Variants in ROBO1 observed in about 807,000 individuals in gnomAD.
ROBO1 encodes the protein roundabout homolog 1.
Under a neutral mutation model 195.9 loss-of-function variants are expected in ROBO1, and 149 were observed. The observed-to-expected ratio is 0.76, with a 90% confidence interval of 0.67 to 0.87. The LOEUF is 0.87. ROBO1 is among the 40% of genes least tolerant of loss of function. The pLI is 0.00. For synonymous variants in ROBO1, 816 were observed against 733.2 expected, an observed-to-expected ratio of 1.11 and a Z score of -1.82; for missense variants, 1,933 against 2,068.3, an observed-to-expected ratio of 0.93 and a Z score of 1.27.
At chr3:79,602,328 G>T (rs1480582999) in intron 1 of ROBO1, among the ~76,000 whole-genome samples, 1 of 151,950 alleles carries the variant, frequency 6.6e-6, no homozygotes, top group African/African-American at 2.4e-5. Flanking sequence ...ATACACAAAA[G>T]GCTGTGCATG....
At chr3:78,709,144 T>C (rs2081621269) in intron 8 of ROBO1, among the ~76,000 whole-genome samples, 1 of 152,150 alleles carries the variant, frequency 6.6e-6, no homozygotes, top group East Asian at 1.9e-4. Context: ...GTTTACAAAA[T>C]GATGTAATGT....
At chr3:79,334,548 G>A (rs1343404170) in intron 2 of ROBO1, among the ~76,000 whole-genome samples, 1 of 151,734 alleles carries the variant, frequency 6.6e-6, no homozygotes, top group African/African-American at 2.4e-5. Context: ...TGTGTTCAGA[G>A]AAGAAATAAA....
intron 2 of ROBO1, among the ~76,000 whole-genome samples, chr3:79,525,223 G>T (rs1941377416): frequency 6.6e-6 from 1 of 150,432 alleles, no homozygotes; most frequent in Non-Finnish European, 1.5e-5. Context: ...ATAAGGTTAT[G>T]GTTAATTTTT....
At chr3:79,075,674 T>C (rs771827544) in intron 3 of ROBO1, among the ~76,000 whole-genome samples, 2 of 151,898 alleles carry the variant, frequency 1.3e-5, no homozygotes, top group Non-Finnish European at 2.9e-5. Context: ...TAGATCAACC[T>C]GGAACACAAT....
At position 78,667,920 on chromosome 3, in the gene ROBO1, A is replaced by G; in HGVS notation, c.1929T>C (p.Ser643=). The change falls in exon 14 of 31, where the codon AGT becomes AGC. Residue 643 remains serine, a synonymous_variant. Transcript: ENST00000464233. ...CTGGATCTGATATTTGGCTTGGATC[A>G]CTAATTCCATATGCATTAGCTGCCC... ...LVRAANAYGI[S]DPSQISDPVK... is the part of the protein sequence containing the mutation. 6.2e-7 allele frequency: 1 copy of G among 1,613,768 alleles called. No homozygotes were observed. The highest frequency in any genetic ancestry group is 8.5e-7 in the Non-Finnish European group (1 of 1,179,758).
At chr3:79,282,348 AT>A (rs1206582786) in intron 2 of ROBO1, among the ~76,000 whole-genome samples, 4 of 152,186 alleles carry the variant, frequency 2.6e-5, no homozygotes, top group Non-Finnish European at 5.9e-5. Context: ...TTCAACTAAC[AT>A]TTTTTGAGCA....
chr3:78,950,359 T>C (rs1052597849), intron 3 of ROBO1, among the ~76,000 whole-genome samples: 6 of 151,556 alleles, frequency 4.0e-5, no homozygotes, highest in Non-Finnish European at 5.9e-5. Flanking sequence ...ATGTCCTTTG[T>C]AGGGACATGG....
At chr3:79,262,984 TA>T (rs766122497) in intron 2 of ROBO1, among the ~76,000 whole-genome samples, 3 of 152,082 alleles carry the variant, frequency 2.0e-5, no homozygotes, top group Admixed American at 6.6e-5. Flanking sequence ...TAGAAAAGAT[TA>T]GAGAGTTTTA....
intron 2 of ROBO1, among the ~76,000 whole-genome samples, chr3:79,326,204 G>A (rs759246107): frequency 2.0e-5 from 3 of 152,166 alleles, no homozygotes; most frequent in Middle Eastern, 3.4e-3. Context: ...ATTTCTCCCC[G>A]GTCCTGTGGT....
chr3:79,601,579 C>T (rs1944340497), intron 1 of ROBO1, among the ~76,000 whole-genome samples: 1 of 151,900 alleles, frequency 6.6e-6, no homozygotes, highest in African/African-American at 2.4e-5. Context: ...AGTACGAACA[C>T]AGACATGTAT....
At chr3:78,987,611 AG>A in intron 3 of ROBO1, among the ~76,000 whole-genome samples, 1 of 152,116 alleles carries the variant, frequency 6.6e-6, no homozygotes, top group African/African-American at 2.4e-5. Context: ...TTGAGGTAAA[AG>A]CCATGAGGTG....
chr3:79,127,007 G>GA (rs1269968139), intron 2 of ROBO1, among the ~76,000 whole-genome samples: 3,458 of 104,728 alleles, frequency 0.033, 45 homozygotes, highest in Middle Eastern at 0.04. Context: ...TGGCTAAAAC[G>GA]AAAAAAAAAA....
intron 2 of ROBO1, among the ~76,000 whole-genome samples, chr3:79,169,063 G>C (rs2081121785): frequency 6.6e-6 from 1 of 152,114 alleles, no homozygotes; most frequent in Non-Finnish European, 1.5e-5. Flanking sequence ...AAGATGGGAA[G>C]AATAATGGAA....
chr3:79,336,499 C>T (rs569903090), intron 2 of ROBO1, among the ~76,000 whole-genome samples: 1 of 152,176 alleles, frequency 6.6e-6, no homozygotes, highest in South Asian at 2.1e-4. Flanking sequence ...CCTGTGAGTA[C>T]ACAGGAGTGA....
chr3:78,613,218 G>A (rs1703920969), intron 28 of ROBO1, among the ~76,000 whole-genome samples: 1 of 152,164 alleles, frequency 6.6e-6, no homozygotes, highest in Non-Finnish European at 1.5e-5. Context: ...TCTACACAAG[G>A]CTTTAGGCCA....
intron 1 of ROBO1, among the ~76,000 whole-genome samples, chr3:79,660,927 A>G (rs1452899816): frequency 6.6e-6 from 1 of 152,114 alleles, no homozygotes; most frequent in East Asian, 1.9e-4. Flanking sequence ...GGAAGAAAAT[A>G]ATTATCAAGT....
At chr3:79,436,569 T>C (rs1175481482) in intron 2 of ROBO1, among the ~76,000 whole-genome samples, 2 of 152,134 alleles carry the variant, frequency 1.3e-5, no homozygotes, top group African/African-American at 4.8e-5. Context: ...TAGGTTGTCA[T>C]GTAAACTAAG....
intron 4 of ROBO1, among the ~76,000 whole-genome samples, chr3:78,817,347 C>CT (rs972016830): frequency 4.6e-5 from 7 of 151,824 alleles, no homozygotes; most frequent in South Asian, 4.2e-4. Flanking sequence ...AAGGTATATA[C>CT]TTTTTTTTAA....
intron 1 of ROBO1, among the ~76,000 whole-genome samples, chr3:79,723,614 C>T (rs1234567398): frequency 1.3e-5 from 2 of 152,022 alleles, no homozygotes; most frequent in Admixed American, 1.3e-4. Flanking sequence ...TAAGATAATA[C>T]ACTAGTCAAA....
Sources: allele counts gnomAD v4.1 joint callset (sites outside exome capture counted in the v4.1 genomes callset), GRCh38; gene constraint gnomAD v4.1.1; transcripts MANE v1.5; gene names NCBI Gene and HGNC (gene_info 2026-07-23, HGNC 2026-07-21).